The following XKR6 variants were observed in gnomAD, a reference collection of about 807,000 sequenced individuals.
XKR6 encodes the protein XK-related protein 6.
Under a neutral mutation model 56.7 loss-of-function variants are expected in XKR6, and 22 were observed. That is an observed-to-expected ratio of 0.39 (90% CI 0.28 to 0.55). XKR6 has a LOEUF of 0.55. XKR6 is among the 20% of genes least tolerant of loss of function. The probability of loss-of-function intolerance (pLI) is 0.66; values close to 1 mark genes in which losing one functional copy is unlikely to be tolerated. For missense variants in XKR6, 852 were observed against 889.0 expected (o/e 0.96, Z 0.53); for synonymous variants, 524 against 387.8 (o/e 1.35, Z -4.13).
chr8:11,189,206 G>A (rs1803421540), intron 1 of XKR6, among the ~76,000 whole-genome samples: 1 of 152,030 alleles, frequency 6.6e-6, no homozygotes, highest in South Asian at 2.1e-4. Flanking sequence ...TTCTGAATTT[G>A]AGACACAAAA....
At chr8:11,077,465 G>A (rs1379868533) in intron 1 of XKR6, among the ~76,000 whole-genome samples, 1 of 152,156 alleles carries the variant, frequency 6.6e-6, no homozygotes, top group Non-Finnish European at 1.5e-5. Context: ...GGCCCTCAGT[G>A]AACAGTTCCT....
chr8:10,976,076 T>G (rs962838425), intron 1 of XKR6, among the ~76,000 whole-genome samples: 15 of 151,660 alleles, frequency 9.9e-5, no homozygotes, highest in Non-Finnish European at 1.6e-4. Flanking sequence ...CTTGGGAGGC[T>G]GAGGCAGGAG....
intron 1 of XKR6, among the ~76,000 whole-genome samples, chr8:11,132,537 T>G (rs1320087868): frequency 6.6e-6 from 1 of 151,832 alleles, no homozygotes; most frequent in Non-Finnish European, 1.5e-5. Context: ...AATTTTTGTA[T>G]TTTTAGTAGA....
chr8:10,908,666 C>T (rs892348547), intron 2 of XKR6, among the ~76,000 whole-genome samples: 9 of 152,148 alleles, frequency 5.9e-5, no homozygotes, highest in African/African-American at 2.2e-4. Flanking sequence ...CCGACCACCA[C>T]ACTTAAAACT....
At position 10,998,290 on chromosome 8, in the gene XKR6, C is replaced by T. The variant is rs186546860; in HGVS notation, c.765-73460G>A. 1.9e-3 allele frequency among the ~76,000 whole-genome samples: 290 copies of T among 152,260 alleles called. 12 individuals are homozygous for T. The East Asian group carries it at 0.047, about 25-fold the overall frequency. On this transcript the variant is annotated intron_variant, in intron 1 of 2. Coordinates refer to ENST00000416569, the MANE Select transcript of XKR6 (RefSeq NM_173683.4). ...CTACACACACACACACACATACACA[C>T]ACACACACACCTCTTAGTTGTCATT...
At chr8:11,163,917 G>A (rs1357899045) in intron 1 of XKR6, among the ~76,000 whole-genome samples, 3 of 152,058 alleles carry the variant, frequency 2.0e-5, no homozygotes, top group Non-Finnish European at 4.4e-5. Flanking sequence ...GAAAATACAT[G>A]CAGGCCAAAA....
At chr8:11,000,276 G>A (rs1210454531) in intron 1 of XKR6, among the ~76,000 whole-genome samples, 3 of 152,180 alleles carry the variant, frequency 2.0e-5, no homozygotes, top group African/African-American at 7.2e-5. Flanking sequence ...CCTTACTGGT[G>A]TCCTCTAGTG....
chr8:10,984,732 C>CTCTATATATATATATATA, intron 1 of XKR6, among the ~76,000 whole-genome samples: 36 of 47,480 alleles, frequency 7.6e-4, no homozygotes, highest in Middle Eastern at 0.016. Context: ...CTCTCTCTCT[C>CTCTATATATATATATATA]TATATATATA....
intron 1 of XKR6, among the ~76,000 whole-genome samples, chr8:11,119,718 T>A (rs967032327): frequency 6.6e-6 from 1 of 152,100 alleles, no homozygotes; most frequent in Non-Finnish European, 1.5e-5. Context: ...GTGAGATGGG[T>A]TTCCTGAATA....
intron 1 of XKR6, among the ~76,000 whole-genome samples, chr8:11,054,286 AAG>A (rs1799626204): frequency 6.6e-6 from 1 of 152,186 alleles, no homozygotes; most frequent in African/African-American, 2.4e-5. Flanking sequence ...CAGAGGTGAA[AAG>A]AGAGAGCGCA....
intron 1 of XKR6, among the ~76,000 whole-genome samples, chr8:11,024,953 C>G (rs1308211934): frequency 3.3e-5 from 5 of 152,234 alleles, no homozygotes; most frequent in African/African-American, 9.6e-5. Context: ...TCAAGACCGG[C>G]TCTCTAAAGT....
intron 1 of XKR6, among the ~76,000 whole-genome samples, chr8:11,150,079 G>T (rs930948022): frequency 1.3e-5 from 2 of 152,192 alleles, no homozygotes; most frequent in Non-Finnish European, 2.9e-5. Context: ...AGAGTTGGGT[G>T]GGGGAGAGGG....
chr8:11,084,633 T>C (rs1302726255), intron 1 of XKR6, among the ~76,000 whole-genome samples: 1 of 152,218 alleles, frequency 6.6e-6, no homozygotes, highest in African/African-American at 2.4e-5. Flanking sequence ...GTGCATTTCT[T>C]ATTCAGTCCA....
chr8:11,012,366 C>G (rs773172366), intron 1 of XKR6, among the ~76,000 whole-genome samples: 10 of 152,218 alleles, frequency 6.6e-5, no homozygotes, highest in Non-Finnish European at 1.3e-4. Context: ...GGGATAATGA[C>G]AGCACCTATA....
intron 1 of XKR6, among the ~76,000 whole-genome samples, chr8:10,988,037 A>C (rs1379718044): frequency 6.6e-6 from 1 of 152,224 alleles, no homozygotes; most frequent in Non-Finnish European, 1.5e-5. Flanking sequence ...AAAACAAAAA[A>C]CAAAAAACAT....
intron 1 of XKR6, among the ~76,000 whole-genome samples, chr8:10,983,732 T>G (rs568950761): frequency 6.6e-6 from 1 of 152,092 alleles, no homozygotes; most frequent in South Asian, 2.1e-4. Flanking sequence ...CTCAGCTCAC[T>G]GCAAGCTCCG....
chr8:11,009,988 T>C (rs554806214), intron 1 of XKR6, among the ~76,000 whole-genome samples: 88 of 152,328 alleles, frequency 5.8e-4, no homozygotes, highest in African/African-American at 2.0e-3. Context: ...TGTTCTCACA[T>C]TGCTATAAAG....
At chr8:10,950,829 G>A (rs562052228) in intron 1 of XKR6, among the ~76,000 whole-genome samples, 3 of 152,302 alleles carry the variant, frequency 2.0e-5, no homozygotes, top group East Asian at 1.9e-4. Flanking sequence ...CAGGCAGCTT[G>A]CTAGAAGTTT....
chr8:11,132,261 G>A (rs1033054618), intron 1 of XKR6, among the ~76,000 whole-genome samples: 28 of 152,142 alleles, frequency 1.8e-4, no homozygotes, highest in African/African-American at 6.5e-4. Context: ...ACAGTCACAG[G>A]TGGTACTTAC....
Sources: gnomAD v4.1 joint callset for allele counts (sites outside exome capture counted in the v4.1 genomes callset) on GRCh38, gnomAD v4.1.1 for gene constraint, MANE v1.5 for transcripts, NCBI Gene and HGNC (gene_info 2026-07-23, HGNC 2026-07-21) for gene names.